MORC2: variants seen among roughly 807,000 people sequenced by gnomAD.
MORC2 encodes the protein ATPase MORC2.
MORC2 carries 30 observed loss-of-function variants against 136.0 expected under a neutral mutation model. That is an observed-to-expected ratio of 0.22 (90% CI 0.17 to 0.30). MORC2 has a LOEUF of 0.30. Among genes scored for constraint, MORC2 ranks in the 10% least tolerant of loss-of-function variants. The probability of loss-of-function intolerance (pLI) is 1.00; values close to 1 mark genes in which losing one functional copy is unlikely to be tolerated. For synonymous variants in MORC2, 439 were observed against 487.0 expected (o/e 0.90, Z 1.30); for missense variants, 922 against 1,333.1 (o/e 0.69, Z 4.80).
rs1012355000 is a variant in MORC2 at position 30,926,267 on chromosome 22, CGAGA to C, written c.*532_*535del. ...CAGCCAGGACCAACTCTGACAGCTGCGAGAGAGAGAGCCCCTCCAATGTGGAACC... is the reference window on the plus strand; with the variant it reads ...CAGCCAGGACCAACTCTGACAGCTGCGAGAGAGCCCCTCCAATGTGGAACC... On this transcript the variant is annotated 3_prime_UTR_variant, in exon 26 of 26. Transcript: ENST00000397641. The C allele has an allele frequency of 6.6e-6, 1 of 152,176 alleles. No homozygotes were observed. Among genetic ancestry groups the C allele is most frequent in the Non-Finnish European group, 1.5e-5 (1 of 68,144 alleles). The allele number at this position is 152,176 out of a possible 1,614,324, so 9.4% of individuals were successfully genotyped here.
At chr22:30,961,221 T>TA (rs956803174) in intron 1 of MORC2, among the ~76,000 whole-genome samples, 31 of 150,932 alleles carry the variant, frequency 2.1e-4, no homozygotes, top group East Asian at 9.7e-4. Context: ...AGTAAAAATT[T>TA]AAAAAAAAAA....
intron 3 of MORC2, 66 bp downstream of exon 3, chr22:30,956,696 CT>C (rs762132245): frequency 6.3e-6 from 8 of 1,271,384 alleles, no homozygotes; most frequent in Non-Finnish European, 8.8e-6. Context: ...CCACTCAATT[CT>C]TCTTAGGCAC....
chr22:30,963,877 C>T (rs554626701), intron 1 of MORC2, among the ~76,000 whole-genome samples: 16 of 152,208 alleles, frequency 1.1e-4, no homozygotes, highest in South Asian at 6.2e-4. Flanking sequence ...AGTTCCTAGA[C>T]GTGCTGACAA....
At chr22:30,950,353 C>CCACA in intron 4 of MORC2, 24 bp downstream of exon 4, 1 of 1,481,944 alleles carries the variant, frequency 6.7e-7, no homozygotes, top group Non-Finnish European at 9.4e-7. Context: ...CCCCACCCCC[C>CCACA]AAAACAATAA....
At chr22:30,952,001 T>G (rs567776542) in intron 3 of MORC2, among the ~76,000 whole-genome samples, 1 of 152,200 alleles carries the variant, frequency 6.6e-6, no homozygotes, top group Non-Finnish European at 1.5e-5. Flanking sequence ...AGCTGAACAT[T>G]AATTACAAGT....
At chr22:30,933,591 CCCGGGG>C in intron 20 of MORC2, 71 bp from the exon 21 acceptor site, 1 of 1,497,200 alleles carries the variant, frequency 6.7e-7, no homozygotes, top group South Asian at 1.1e-5. Flanking sequence ...TTACTGGCCA[CCCGGGG>C]TCATCAGCCA....
In MORC2 at chr22:30,935,407, C is replaced by CA. The variant is rs1185905602; in HGVS notation, c.1738-86dup. ...TTTGGATAGTGTCTGGAACCAGGGA[C>CA]AAAAAAAATAGAAAACCTGAGCCAT... On this transcript the variant is annotated intron_variant, in intron 17 of 25. Transcript: ENST00000397641. 5.4e-5 allele frequency: 73 copies of CA among 1,341,028 alleles called. 1 individual carries two copies. The highest frequency in any genetic ancestry group is 1.7e-4 in the South Asian group (13 of 78,624). The allele number at this position is 1,341,028 out of a possible 1,614,324, so 83.1% of individuals were successfully genotyped here.
intron 6 of MORC2, among the ~76,000 whole-genome samples, chr22:30,945,191 A>G (rs903814497): frequency 3.9e-5 from 6 of 152,176 alleles, no homozygotes; most frequent in African/African-American, 1.2e-4. Context: ...AACCCAGGCT[A>G]TATTTTCCTA....
chr22:30,934,599 G>A lies in MORC2; in HGVS notation c.2193+182C>T, dbSNP rs180989235. On this transcript the variant is annotated intron_variant, in intron 19 of 25. Transcript: ENST00000397641. This position sits in a 1 kb window ranked among gnomAD's most constrained non-coding sequence, Gnocchi z 4.4. Reference sequence around the variant, plus strand: ...TGAAGAGCTCGCTGTACAGGCAACCGATGTGCTGTCTGGCCCCAACAAGTC... The same window carrying A: ...TGAAGAGCTCGCTGTACAGGCAACCAATGTGCTGTCTGGCCCCAACAAGTC... Among the ~76,000 whole-genome samples the A allele has an allele frequency of 3.2e-4, 49 of 152,274 alleles. No homozygotes were observed. The highest frequency in any genetic ancestry group is 1.1e-3 in the African/African-American group (45 of 41,550).
At position 30,967,133 on chromosome 22, in the gene MORC2, AAG is replaced by A. The variant is rs2041140142; in HGVS notation, c.68+687_68+688del. On this transcript the variant is annotated intron_variant, in intron 1 of 25. Transcript: ENST00000397641. ...GTTTTGACGCTACTGGACAGCCTCC[AAG>A]AGAGTGGGCATATGGATTAAACCTG... 3.2e-5 allele frequency: 32 copies of A among 985,460 alleles called. No homozygotes were observed. In the South Asian group the frequency reaches 1.4e-3, roughly 43 times the overall value. The allele number at this position is 985,460 out of a possible 1,614,324, so 61.0% of individuals were successfully genotyped here. A position where few individuals can be genotyped will look rare whatever the true frequency, so the allele number is the denominator to read the frequency against.
Position 30,934,103 on chromosome 22 carries a change from C to T in MORC2, c.2282G>A (p.Arg761Gln), listed in dbSNP as rs754626172. 12 of 1,614,144 alleles carry T rather than the reference C, an allele frequency of 7.4e-6. No homozygotes were observed. The highest frequency in any genetic ancestry group is 1.0e-5 in the Non-Finnish European group (12 of 1,180,018). Residue 761 changes from arginine (R) to glutamine (Q), a missense_variant, in exon 20 of 26, where the codon CGG (arginine) becomes CAG (glutamine). Arg to Gln is a conservative substitution (Grantham distance 43). This residue lies in a region of MORC2 where 263 missense variants were observed against 388.3 expected (regional missense o/e 0.68). Transcript: ENST00000397641. This position sits in a 1 kb window ranked among gnomAD's most constrained non-coding sequence, Gnocchi z 4.4. ...EAERRKERCK[R>Q]GRFVVKEEKK... ...TTCCTCCTTCACAACAAATCTGCCCCGCTTGCACCTCTCCTTCCTCCTCTC... is the reference window on the plus strand; with the variant it reads ...TTCCTCCTTCACAACAAATCTGCCCTGCTTGCACCTCTCCTTCCTCCTCTC...
chr22:30,948,480 A>C (rs2040848634), intron 5 of MORC2, among the ~76,000 whole-genome samples: 1 of 152,254 alleles, frequency 6.6e-6, no homozygotes, highest in South Asian at 2.1e-4. Context: ...TCAAAGGAGG[A>C]GAAATAAAGG....
intron 21 of MORC2, 115 bp from the exon 22 acceptor site, chr22:30,933,145 C>T: frequency 5.7e-6 from 8 of 1,409,468 alleles, no homozygotes; most frequent in Non-Finnish European, 7.8e-6. Context: ...CACTTAGGTG[C>T]TTGCCCCCAC....
At position 30,967,998 on chromosome 22, in the gene MORC2, C is replaced by G. The variant is rs1353045052; in HGVS notation, c.-109G>C. 2 of 963,038 alleles carry G rather than the reference C, an allele frequency of 2.1e-6. No homozygotes were observed. The highest frequency in any genetic ancestry group is 3.2e-6 in the Non-Finnish European group (2 of 624,106). 59.7% of individuals were successfully genotyped at this position (963,038 alleles called of 1,614,324 possible). A position where few individuals can be genotyped will look rare whatever the true frequency, so the allele number is the denominator to read the frequency against. On this transcript the variant is annotated 5_prime_UTR_variant, in exon 1 of 26. Transcript: ENST00000397641. ...AGTAAAGCTTCAGTAAGTCTGTGCT[C>G]CTTAATGACAGTTAAAGTAACCTAG...
Position 30,958,720 on chromosome 22 carries a change from G to C in MORC2, c.69-26C>G, listed in dbSNP as rs1410325669. On this transcript the variant is annotated intron_variant, in intron 1 of 25. Coordinates refer to ENST00000397641, the MANE Select transcript of MORC2 (RefSeq NM_001303256.3). ...CTGAAATGATAAATACTAAAAGTCA[G>C]CAAAAGAATTATTGAAGTTATAATT... The C allele has an allele frequency of 5.3e-6, 8 of 1,516,524 alleles. No homozygotes were observed. The South Asian group carries it at 6.1e-5, about 11-fold the overall frequency. 93.9% of individuals were successfully genotyped at this position (1,516,524 alleles called of 1,614,324 possible). A position where few individuals can be genotyped will look rare whatever the true frequency, so the allele number is the denominator to read the frequency against.
chr22:30,952,529 G>A (rs1438944578), intron 3 of MORC2, among the ~76,000 whole-genome samples: 1 of 152,212 alleles, frequency 6.6e-6, no homozygotes, highest in Non-Finnish European at 1.5e-5. Context: ...TAAAGGGTAA[G>A]AGATGACACT....
chr22:30,936,112 T>G (rs1032899183), intron 17 of MORC2, among the ~76,000 whole-genome samples: 1 of 152,198 alleles, frequency 6.6e-6, no homozygotes, highest in Non-Finnish European at 1.5e-5. Context: ...ATAAAACATA[T>G]ACATGGCATT....
chr22:30,926,318 G>A lies in MORC2; in HGVS notation c.*485C>T, dbSNP rs2040481525. 6.6e-6 allele frequency: 1 copy of A among 152,128 alleles called. No individual in the cohort carries two copies. Among genetic ancestry groups the A allele is most frequent in the Admixed American group, 6.6e-5 (1 of 15,244 alleles). The allele number at this position is 152,128 out of a possible 1,614,324, so 9.4% of individuals were successfully genotyped here. A position where few individuals can be genotyped will look rare whatever the true frequency, so the allele number is the denominator to read the frequency against. ...AACCTCCTACACAGCCCCCCTTTTGGGTCCCTGGATATGAGCCCCCAGCAG... is the reference window on the plus strand; with the variant it reads ...AACCTCCTACACAGCCCCCCTTTTGAGTCCCTGGATATGAGCCCCCAGCAG... On this transcript the variant is annotated 3_prime_UTR_variant, in exon 26 of 26. Coordinates refer to ENST00000397641, the MANE Select transcript of MORC2 (RefSeq NM_001303256.3).
At chr22:30,933,664 C>T (rs753112074) in intron 20 of MORC2, 144 bp from the exon 21 acceptor site, 7 of 793,242 alleles carry the variant, frequency 8.8e-6, no homozygotes, top group Non-Finnish European at 1.4e-5. Flanking sequence ...TTGAGAGCCA[C>T]ACTCCAAAAT....
Sources: gnomAD v4.1 joint callset for allele counts (sites outside exome capture counted in the v4.1 genomes callset) on GRCh38, gnomAD v4.1.1 for gene constraint, gnomAD v4.1.1 regional missense constraint, Gnocchi (gnomAD v3.1) non-coding constraint, MANE v1.5 for transcripts, NCBI Gene and HGNC (gene_info 2026-07-23, HGNC 2026-07-21) for gene names.